BDKRB2: variants seen among roughly 807,000 people sequenced by gnomAD.
The protein encoded by BDKRB2 is bradykinin receptor B2, also known as B2 bradykinin receptor.
A neutral mutation model predicts 4.0 loss-of-function variants in BDKRB2; 6 were observed. The observed-to-expected ratio is 1.49, with a 90% CI of 0.81 to 2.93. The LOEUF is 2.93. Among genes scored for constraint, BDKRB2 ranks in the 30% most tolerant of loss-of-function variants. The pLI, the probability that BDKRB2 is intolerant of heterozygous loss-of-function variation, is 0.00. For missense variants in BDKRB2, 478 were observed against 520.1 expected, an observed-to-expected ratio of 0.92 and a Z score of 0.79; for synonymous variants, 225 against 215.3, an observed-to-expected ratio of 1.05 and a Z score of -0.40.
At chr14:96,231,205 C>T (rs1037252476) in intron 1 of BDKRB2, among the ~76,000 whole-genome samples, 6 of 152,204 alleles carry the variant, frequency 3.9e-5, no homozygotes, top group African/African-American at 1.2e-4. Context: ...CTTCTCCAGG[C>T]TCCCTCATGT....
At chr14:96,220,966 G>T (rs1397826614) in intron 1 of BDKRB2, among the ~76,000 whole-genome samples, 1 of 151,986 alleles carries the variant, frequency 6.6e-6, no homozygotes, top group African/African-American at 2.4e-5. Context: ...CTGAGGGCAG[G>T]CACCATCTGT....
At position 96,240,655 on chromosome 14, in the gene BDKRB2, G is replaced by T. The variant is rs199770767; in HGVS notation, c.327G>T (p.Gly109=). 3 of 1,574,810 alleles carry T rather than the reference G, an allele frequency of 1.9e-6. No individual in the cohort carries two copies. Among genetic ancestry groups the T allele is most frequent in the Non-Finnish European group, 2.6e-6 (3 of 1,163,462 alleles). The change falls in exon 3 of 3, where the codon GGG becomes GGT. Residue 109 remains glycine (G), a synonymous_variant. Coordinates refer to ENST00000554311, the MANE Select transcript of BDKRB2 (RefSeq NM_001379692.1). ...CAGCAGACCTGATCCTGGCCTGCGG[G>T]CTGCCCTTCTGGGCCATCACCATCT... is the stretch of plus-strand genomic sequence containing the variant. The part of the protein sequence containing the change: ...LAAADLILAC[G]LPFWAITISN...
chr14:96,236,745 C>G (rs1027074464), intron 1 of BDKRB2, among the ~76,000 whole-genome samples: 3 of 152,232 alleles, frequency 2.0e-5, no homozygotes, highest in Non-Finnish European at 4.4e-5. Flanking sequence ...TCTGCTCACC[C>G]TCAGTGTTCT....
At chr14:96,209,409 T>C (rs1246876247) in intron 1 of BDKRB2, among the ~76,000 whole-genome samples, 1 of 152,150 alleles carries the variant, frequency 6.6e-6, no homozygotes, top group Non-Finnish European at 1.5e-5. Context: ...AAGTTTATTT[T>C]GCCAAGATTA....
At chr14:96,213,039 G>A (rs544555517) in intron 1 of BDKRB2, among the ~76,000 whole-genome samples, 4 of 152,092 alleles carry the variant, frequency 2.6e-5, no homozygotes, top group South Asian at 2.1e-4. Flanking sequence ...CAACTGGCCC[G>A]ATTGTTCAAC....
intron 2 of BDKRB2, chr14:96,237,653 G>T: frequency 7.8e-7 from 1 of 1,279,930 alleles, no homozygotes; most frequent in South Asian, 1.3e-5. Context: ...ATCTGTTCTT[G>T]GGGACAGCAT....
At chr14:96,237,708 T>C (rs1354211190) in intron 2 of BDKRB2, 1 of 1,289,218 alleles carries the variant, frequency 7.8e-7, no homozygotes. Context: ...CTCTCCACCC[T>C]GCTGCAGGTG....
chr14:96,231,533 C>A (rs1890819379), intron 1 of BDKRB2, among the ~76,000 whole-genome samples: 1 of 152,166 alleles, frequency 6.6e-6, no homozygotes, highest in African/African-American at 2.4e-5. Context: ...TGAGGCTTAC[C>A]TTCGTGACTG....
intron 1 of BDKRB2, among the ~76,000 whole-genome samples, chr14:96,208,292 TC>T (rs1890234735): frequency 6.6e-6 from 1 of 152,204 alleles, no homozygotes; most frequent in Non-Finnish European, 1.5e-5. Context: ...ATGAAGTATT[TC>T]TTTGACTCTT....
At chr14:96,212,536 C>T (rs1359186499) in intron 1 of BDKRB2, among the ~76,000 whole-genome samples, 1 of 152,166 alleles carries the variant, frequency 6.6e-6, no homozygotes, top group Non-Finnish European at 1.5e-5. Flanking sequence ...CTAAGGATGG[C>T]TCTTTGAAGA....
intron 1 of BDKRB2, among the ~76,000 whole-genome samples, chr14:96,225,325 C>T (rs1387919797): frequency 2.0e-5 from 3 of 152,152 alleles, no homozygotes; most frequent in Non-Finnish European, 2.9e-5. Flanking sequence ...GACAATATTC[C>T]TTCCACCTCT....
Position 96,244,104 on chromosome 14 carries a change from A to T in BDKRB2, c.*2600A>T. 2.5e-6 allele frequency: 1 copy of T among 398,516 alleles called. No individual in the cohort carries two copies. Among genetic ancestry groups the T allele is most frequent in the South Asian group, 1.3e-4 (1 of 7,760 alleles). The allele number at this position is 398,516 out of a possible 1,614,324, so 24.7% of individuals were successfully genotyped here. ...ACAGGAAGCATTTCACATCCAAACG[A>T]GAAAATCATGTAAACATGTGTCTTT... On this transcript the variant is annotated 3_prime_UTR_variant, in exon 3 of 3. Coordinates refer to ENST00000554311, the MANE Select transcript of BDKRB2 (RefSeq NM_001379692.1).
intron 1 of BDKRB2, among the ~76,000 whole-genome samples, chr14:96,226,317 G>T (rs530013192): frequency 6.6e-6 from 1 of 152,290 alleles, no homozygotes; most frequent in South Asian, 2.1e-4. Context: ...GCACACTGCT[G>T]TGTCTTCCAC....
chr14:96,232,864 G>A (rs560786455), intron 1 of BDKRB2, among the ~76,000 whole-genome samples: 1 of 152,168 alleles, frequency 6.6e-6, no homozygotes, highest in African/African-American at 2.4e-5. Context: ...GACACAAGTT[G>A]ACATCCGAAG....
At chr14:96,210,603 A>G (rs1332196476) in intron 1 of BDKRB2, among the ~76,000 whole-genome samples, 1 of 152,160 alleles carries the variant, frequency 6.6e-6, no homozygotes, top group East Asian at 1.9e-4. Flanking sequence ...GCAAAGAACA[A>G]TTTGTGGGGG....
At chr14:96,223,319 GC>G (rs1484147486) in intron 1 of BDKRB2, 2 of 1,054,402 alleles carry the variant, frequency 1.9e-6, no homozygotes, top group South Asian at 1.3e-5. Flanking sequence ...CTGTTCCGGC[GC>G]CCACCACCCA....
intron 2 of BDKRB2, chr14:96,238,179 G>A (rs1890981379): frequency 2.4e-6 from 2 of 843,522 alleles, no homozygotes; most frequent in Admixed American, 6.1e-5. Flanking sequence ...GAAACCAGGA[G>A]CCACCAAAAG....
chr14:96,241,300 C>T lies in BDKRB2; in HGVS notation c.972C>T (p.Asn324=), dbSNP rs1264839399. ...TQIASFMAYS[N]SCLNPLVYVI... ...TCGCCTCCTTCATGGCCTACAGCAACAGCTGCCTCAACCCACTGGTGTACG... is the reference window on the plus strand; with the variant it reads ...TCGCCTCCTTCATGGCCTACAGCAATAGCTGCCTCAACCCACTGGTGTACG... The change falls in exon 3 of 3, where the codon AAC becomes AAT. Residue 324 remains asparagine (N), a synonymous_variant. Coordinates refer to ENST00000554311, the MANE Select transcript of BDKRB2 (RefSeq NM_001379692.1). 1.2e-6 allele frequency: 2 copies of T among 1,613,930 alleles called. No homozygotes were observed. Among genetic ancestry groups the T allele is most frequent in the African/African-American group, 1.3e-5 (1 of 74,932 alleles).
chr14:96,238,113 C>T, intron 2 of BDKRB2: 1 of 1,000,286 alleles, frequency 1.0e-6, no homozygotes. Context: ...CCAGTAGAGA[C>T]AGCTTATCTC....
Sources: allele counts gnomAD v4.1 joint callset (sites outside exome capture counted in the v4.1 genomes callset), GRCh38; gene constraint gnomAD v4.1.1; transcripts MANE v1.5; gene names NCBI Gene and HGNC (gene_info 2026-07-23, HGNC 2026-07-21).